Variants in UBAP2 observed in about 807,000 individuals in gnomAD.
UBAP2 encodes the protein ubiquitin-associated protein 2.
Under a neutral mutation model 139.6 loss-of-function variants are expected in UBAP2, and 75 were observed. That is an observed-to-expected ratio of 0.54 (90% CI 0.45 to 0.65). The LOEUF is 0.65. Ranked by LOEUF, UBAP2 falls within the 30% of genes least tolerant of loss-of-function variation. The pLI, the probability that UBAP2 is intolerant of heterozygous loss-of-function variation, is 0.00. For synonymous variants in UBAP2, 526 were observed against 526.2 expected (o/e 1.00, Z 0.01); for missense variants, 1,368 against 1,369.6 (o/e 1.00, Z 0.02).
Position 33,996,220 on chromosome 9 carries a change from T to TA in UBAP2, c.288+2dup. The stretch of plus-strand genomic sequence containing the variant: ...ACAATGCAAATCAATTAATAATACT[T>TA]ACTGTGTCTGAATTCCCTTCCAGCA... On this transcript the variant is annotated splice_region_variant and intron_variant, in intron 4 of 28. Transcript: ENST00000379238. The TA allele has an allele frequency of 6.3e-7, 1 of 1,599,560 alleles. No individual in the cohort carries two copies.
chr9:33,926,567 A>T, intron 22 of UBAP2, 50 bp downstream of exon 22: 1 of 1,603,100 alleles, frequency 6.2e-7, no homozygotes, highest in Non-Finnish European at 8.5e-7. Context: ...GAGGGGGGAC[A>T]TGTAAAAGAT....
At chr9:33,977,052 T>A (rs1310967666) in intron 6 of UBAP2, among the ~76,000 whole-genome samples, 1 of 149,172 alleles carries the variant, frequency 6.7e-6, no homozygotes, top group Non-Finnish European at 1.5e-5. Context: ...ATTTTTTTTT[T>A]TTTTGAGACA....
At position 33,998,798 on chromosome 9, in the gene UBAP2, T is replaced by C. The variant is rs757537452; in HGVS notation, c.166A>G (p.Lys56Glu). The change falls in exon 3 of 29, where the codon AAA becomes GAA. Residue 56 changes from lysine to glutamate, a missense_variant. By Grantham distance (56) the Lys-to-Glu change is moderately conservative (BLOSUM62 1). Transcript: ENST00000379238. ...TGCCAGAAACATACCTGCTTAACTT[T>C]AGCTTCAAAATCTGAATCATTCTTA... ...FDKNDSDFEA[K>E]VKQLMEVTGK... 2 of 1,612,438 alleles carry C rather than the reference T, an allele frequency of 1.2e-6. No homozygotes were observed. The highest frequency in any genetic ancestry group is 1.3e-5 in the African/African-American group (1 of 75,056).
In UBAP2 at chr9:33,923,221, G is replaced by A; in HGVS notation, c.2969C>T (p.Ala990Val). ...SKGGYAGSSQ[A>V]PNKSAGSGPG... ...CCCAGAACCTGCAGACTTGTTTGGT[G>A]CCTGCGATGATCCAGCATAGCCACC... The change falls in exon 26 of 29, where the codon GCA becomes GTA. Residue 990 changes from alanine (A) to valine (V), a missense_variant. By Grantham distance (64) the Ala-to-Val change is moderately conservative. Coordinates refer to ENST00000379238, the MANE Select transcript of UBAP2 (RefSeq NM_001370062.2). The A allele has an allele frequency of 3.1e-6, 5 of 1,614,194 alleles. No individual in the cohort carries two copies. The highest frequency in any genetic ancestry group is 4.2e-6 in the Non-Finnish European group (5 of 1,180,016).
rs774361919 is a variant in UBAP2, at chr9:33,922,831, G to T, written c.3120C>A (p.Ser1040Arg). Residue 1040 changes from serine (S) to arginine (R), a missense_variant, in exon 28 of 29, where the codon AGC becomes AGA. By Grantham distance (110) the Ser-to-Arg change is moderately radical. Coordinates refer to ENST00000379238, the MANE Select transcript of UBAP2 (RefSeq NM_001370062.2). ...CAGTGGAGCCCAAGACCGAGGGCAG[G>T]CTGAAAGGTGGAGGCGTCCCTGCAT... is the stretch of plus-strand genomic sequence containing the variant. ...GFHAGTPPPF[S>R]LPSVLGSTGP... 1 of 1,576,694 alleles carries T rather than the reference G, an allele frequency of 6.3e-7. No homozygotes were observed. Among genetic ancestry groups the T allele is most frequent in the South Asian group, 1.2e-5 (1 of 84,714 alleles).
intron 3 of UBAP2, chr9:33,997,054 A>G (rs1363217137): frequency 6.6e-6 from 1 of 152,198 alleles, no homozygotes; most frequent in African/African-American, 2.4e-5. Context: ...AAAAGAAGAA[A>G]AAACATCATT....
intron 1 of UBAP2, among the ~76,000 whole-genome samples, chr9:34,034,924 C>T (rs1455948436): frequency 2.0e-5 from 3 of 151,942 alleles, no homozygotes; most frequent in Admixed American, 6.6e-5. Context: ...TCTCTACATC[C>T]GGATTACTCT....
intron 8 of UBAP2, among the ~76,000 whole-genome samples, chr9:33,964,724 GAAGC>G (rs1477660224): frequency 6.6e-6 from 1 of 150,984 alleles, no homozygotes; most frequent in African/African-American, 2.4e-5. Flanking sequence ...AAAAAAAAAA[GAAGC>G]AAGAAAAAAA....
chr9:33,996,184 GACAAATGTAA>G (rs1401543377), intron 4 of UBAP2, 29 bp downstream of exon 4: 2 of 1,495,008 alleles, frequency 1.3e-6, no homozygotes, highest in Non-Finnish European at 1.9e-6. Context: ...CGGAATTGGA[GACAAATGTAA>G]ACAATGCAAA....
chr9:33,924,160 C>T (rs201982649), intron 23 of UBAP2, 46 bp downstream of exon 23: 20 of 1,608,322 alleles, frequency 1.2e-5, no homozygotes, highest in East Asian at 8.9e-5. Context: ...CTGGAGTTCG[C>T]GCTAGGCCGG....
intron 4 of UBAP2, among the ~76,000 whole-genome samples, chr9:33,993,971 TACA>T (rs1324005900): frequency 2.0e-5 from 3 of 149,432 alleles, no homozygotes; most frequent in African/African-American, 7.4e-5. Context: ...CTCGGCTCAC[TACA>T]ACCTCTGCTT....
intron 2 of UBAP2, among the ~76,000 whole-genome samples, chr9:33,999,296 C>A (rs1356127097): frequency 6.6e-6 from 1 of 150,984 alleles, no homozygotes; most frequent in Non-Finnish European, 1.5e-5. Context: ...ATAGAGAGAC[C>A]CTGTCTCTAT....
intron 2 of UBAP2, among the ~76,000 whole-genome samples, chr9:34,003,627 G>C (rs780585327): frequency 1.3e-5 from 2 of 152,052 alleles, no homozygotes; most frequent in South Asian, 4.2e-4. Context: ...GGCTGGTCTT[G>C]AACTCCTGAC....
Position 33,979,166 on chromosome 9 carries a change from A to C in UBAP2, c.521-5929T>G, listed in dbSNP as rs193161209. Among the ~76,000 whole-genome samples the C allele has an allele frequency of 3.1e-3, 477 of 152,294 alleles. 3 individuals carry two copies. Among genetic ancestry groups the C allele is most frequent in the Non-Finnish European group, 4.0e-3 (274 of 68,022 alleles). On this transcript the variant is annotated intron_variant, in intron 6 of 28. Transcript: ENST00000379238. ...AGCAGGAGTATTGCTTGAACGTAAGAGTTGGAGGTTGCAGTGAGCTATGAT... is the reference window on the plus strand; with the variant it reads ...AGCAGGAGTATTGCTTGAACGTAAGCGTTGGAGGTTGCAGTGAGCTATGAT...
At chr9:34,045,987 T>G (rs1012138925) in intron 1 of UBAP2, among the ~76,000 whole-genome samples, 23 of 152,134 alleles carry the variant, frequency 1.5e-4, no homozygotes, top group African/African-American at 5.3e-4. Context: ...TCTACTAACT[T>G]ACCAGTCAAC....
At chr9:33,978,016 T>TTA (rs368368993) in intron 6 of UBAP2, among the ~76,000 whole-genome samples, 2 of 118,190 alleles carry the variant, frequency 1.7e-5, no homozygotes, top group Non-Finnish European at 1.8e-5. Flanking sequence ...CTCTGTCTTT[T>TTA]AAAAAAAAAA....
At chr9:33,945,424 C>T (rs1052767732) in intron 13 of UBAP2, among the ~76,000 whole-genome samples, 3 of 152,194 alleles carry the variant, frequency 2.0e-5, no homozygotes, top group East Asian at 1.9e-4. Context: ...GACGTGAACC[C>T]GGGAGGCGGA....
chr9:33,923,998 C>G lies in UBAP2; in HGVS notation c.2593G>C (p.Asp865His). 1 of 1,613,530 alleles carries G rather than the reference C, an allele frequency of 6.2e-7. No homozygotes were observed. Residue 865 changes from aspartate to histidine, a missense_variant and splice_region_variant, in exon 24 of 29, where the codon GAT (aspartate) becomes CAT (histidine). Transcript: ENST00000379238. ...GSLANNPYPG[D>H]VTKFGRGDSA... ...TCCCCACGGCCAAACTTTGTGACAT[C>G]ACCTAGGAAAGAGCACTGACTCCAG...
chr9:33,933,773 G>T, intron 17 of UBAP2, 145 bp from the exon 18 acceptor site: 1 of 1,135,944 alleles, frequency 8.8e-7, no homozygotes, highest in Non-Finnish European at 1.2e-6. Flanking sequence ...AAAATGCCAA[G>T]CATATCGCCA....
Sources: allele counts gnomAD v4.1 joint callset (sites outside exome capture counted in the v4.1 genomes callset), GRCh38; gene constraint gnomAD v4.1.1; transcripts MANE v1.5; gene names NCBI Gene and HGNC (gene_info 2026-07-23, HGNC 2026-07-21).